The following PARP8 variants were observed in gnomAD, a reference collection of about 807,000 sequenced individuals.
PARP8 encodes the protein protein mono-ADP-ribosyltransferase PARP8.
A neutral mutation model predicts 124.1 loss-of-function variants in PARP8; 51 were observed. The ratio of observed to expected loss-of-function variants is 0.41; its 90% confidence interval spans 0.33 to 0.52. The LOEUF (loss-of-function observed/expected upper bound fraction) is 0.52. PARP8 is among the 20% of genes least tolerant of loss of function. The probability of loss-of-function intolerance (pLI) is 0.21; values close to 1 mark genes in which losing one functional copy is unlikely to be tolerated. For missense variants in PARP8, 860 were observed against 1,018.9 expected, an observed-to-expected ratio of 0.84 and a Z score of 2.12; for synonymous variants, 391 against 361.5, an observed-to-expected ratio of 1.08 and a Z score of -0.93.
rs1346330186 is a variant in PARP8, at chr5:50,756,201, A to G, written c.185-3442A>G. Among the ~76,000 whole-genome samples, 5 of 152,246 alleles carry G rather than the reference A, an allele frequency of 3.3e-5. No homozygotes were observed. The East Asian group carries it at 9.7e-4, about 29-fold the overall frequency. On this transcript the variant is annotated intron_variant, in intron 3 of 25. Transcript: ENST00000281631. ...TTTCTCCTGCTTGATTGCCCTGGCC[A>G]GAACTTCCAACACTATGTTGAATAG...
intron 16 of PARP8, 136 bp from the exon 17 acceptor site, chr5:50,822,199 C>T (rs1266644785): frequency 5.8e-6 from 4 of 686,766 alleles, no homozygotes; most frequent in Non-Finnish European, 1.0e-5. Context: ...TTTATGTACA[C>T]CAAACAGTCA....
rs566038889 is a variant in PARP8, at chr5:50,737,680, T to C, written c.147-12471T>C. 1.4e-4 allele frequency among the ~76,000 whole-genome samples: 21 copies of C among 152,308 alleles called. No individual in the cohort carries two copies. The East Asian group carries it at 3.9e-3, about 28-fold the overall frequency. ...CATTGGATCTTGGGTCAACATTCTG[T>C]CTTCTGCTTCCGTATGAAAAATCTA... On this transcript the variant is annotated intron_variant, in intron 2 of 25. Transcript: ENST00000281631.
At chr5:50,794,807 A>G in intron 11 of PARP8, 46 bp from the exon 12 acceptor site, 1 of 1,504,736 alleles carries the variant, frequency 6.6e-7, no homozygotes, top group South Asian at 1.2e-5. Flanking sequence ...TCATGGTCTG[A>G]TGTACCTGTG....
At chr5:50,778,274 A>T (rs1740263855) in intron 8 of PARP8, 145 bp downstream of exon 8, 2 of 686,352 alleles carry the variant, frequency 2.9e-6, no homozygotes, top group South Asian at 4.5e-5. Context: ...AATTGCTGTG[A>T]CTTGTCAAAG....
intron 14 of PARP8, among the ~76,000 whole-genome samples, chr5:50,801,902 AT>A (rs1282272916): frequency 1.3e-5 from 2 of 152,004 alleles, no homozygotes; most frequent in Admixed American, 1.3e-4. Flanking sequence ...CTTCAAGTCT[AT>A]TTTGTCTGAT....
At chr5:50,734,377 G>C (rs1757279523) in intron 2 of PARP8, among the ~76,000 whole-genome samples, 1 of 152,122 alleles carries the variant, frequency 6.6e-6, no homozygotes, top group Non-Finnish European at 1.5e-5. Flanking sequence ...GATGGTGTAG[G>C]AGTGTCCAGT....
chr5:50,782,881 T>C (rs755620147), intron 9 of PARP8, among the ~76,000 whole-genome samples: 10 of 152,212 alleles, frequency 6.6e-5, no homozygotes, highest in Middle Eastern at 3.4e-3. Context: ...GTGAGGCTCA[T>C]CAGAGAGTGG....
chr5:50,782,088 C>T (rs1460188882), intron 9 of PARP8, among the ~76,000 whole-genome samples: 1 of 152,186 alleles, frequency 6.6e-6, no homozygotes, highest in Non-Finnish European at 1.5e-5. Flanking sequence ...TCCGGAGTGT[C>T]CTCTCTGCCT....
At chr5:50,700,414 T>C (rs1374138925) in intron 2 of PARP8, among the ~76,000 whole-genome samples, 8 of 152,240 alleles carry the variant, frequency 5.3e-5, no homozygotes, top group South Asian at 4.1e-4. Flanking sequence ...TAAAAACTTC[T>C]TTCCTTGAGT....
chr5:50,687,455 C>G (rs186428128), intron 2 of PARP8, among the ~76,000 whole-genome samples: 1 of 151,882 alleles, frequency 6.6e-6, no homozygotes, highest in African/African-American at 2.4e-5. Context: ...CCCTCCAAAC[C>G]GTTCCAGCCT....
At chr5:50,740,024 C>T (rs1757885137) in intron 2 of PARP8, among the ~76,000 whole-genome samples, 1 of 152,026 alleles carries the variant, frequency 6.6e-6, no homozygotes, top group African/African-American at 2.4e-5. Context: ...GCTGGGATTA[C>T]AGGCATGAGC....
At chr5:50,684,994 C>T (rs1052134078) in intron 2 of PARP8, among the ~76,000 whole-genome samples, 1 of 152,180 alleles carries the variant, frequency 6.6e-6, no homozygotes, top group African/African-American at 2.4e-5. Context: ...GAGACTACTT[C>T]ACTGTAAAGC....
At chr5:50,702,965 G>A (rs1753748346) in intron 2 of PARP8, among the ~76,000 whole-genome samples, 1 of 152,136 alleles carries the variant, frequency 6.6e-6, no homozygotes, top group Admixed American at 6.6e-5. Context: ...GAGACCAGCA[G>A]ACAGAGAGTT....
At chr5:50,754,054 A>C (rs1172593926) in intron 3 of PARP8, among the ~76,000 whole-genome samples, 2 of 146,108 alleles carry the variant, frequency 1.4e-5, no homozygotes, top group Non-Finnish European at 3.0e-5. Flanking sequence ...TCAGAAAAAA[A>C]AAAAAGAGCT....
intron 15 of PARP8, among the ~76,000 whole-genome samples, chr5:50,816,580 C>A (rs537352952): frequency 8.6e-5 from 13 of 151,972 alleles, no homozygotes; most frequent in Admixed American, 2.0e-4. Flanking sequence ...ATATTTAGGG[C>A]AGTATTTTTC....
intron 3 of PARP8, among the ~76,000 whole-genome samples, chr5:50,759,377 G>A (rs1760305945): frequency 6.6e-6 from 1 of 152,098 alleles, no homozygotes; most frequent in Non-Finnish European, 1.5e-5. Context: ...TGCCATAAGG[G>A]ATATTACAGA....
chr5:50,768,373 T>G (rs1761259391), intron 7 of PARP8, among the ~76,000 whole-genome samples: 1 of 152,224 alleles, frequency 6.6e-6, no homozygotes, highest in South Asian at 2.1e-4. Flanking sequence ...AAGTCACATT[T>G]AAATATCCAA....
chr5:50,709,679 C>A (rs1019375852), intron 2 of PARP8, among the ~76,000 whole-genome samples: 13 of 151,826 alleles, frequency 8.6e-5, no homozygotes, highest in African/African-American at 2.9e-4. Context: ...TTCACTCTGA[C>A]TCATCCAGAG....
chr5:50,823,650 T>G (rs1430314034), intron 17 of PARP8, among the ~76,000 whole-genome samples: 1 of 152,256 alleles, frequency 6.6e-6, no homozygotes, highest in African/African-American at 2.4e-5. Context: ...GAAAAAGACT[T>G]TGGTATAAGG....
Sources: gnomAD v4.1 joint callset for allele counts (sites outside exome capture counted in the v4.1 genomes callset) on GRCh38, gnomAD v4.1.1 for gene constraint, MANE v1.5 for transcripts, NCBI Gene and HGNC (gene_info 2026-07-23, HGNC 2026-07-21) for gene names.